The following AOAH variants were observed in gnomAD, a reference collection of about 807,000 sequenced individuals.
AOAH encodes acyloxyacyl hydrolase.
In AOAH, 64 loss-of-function variants were observed where a neutral mutation model predicts 92.2. The observed-to-expected ratio is 0.69, with a 90% CI of 0.57 to 0.86. The LOEUF (loss-of-function observed/expected upper bound fraction) is 0.86. Among genes scored for constraint, AOAH ranks in the 40% least tolerant of loss-of-function variants. AOAH has a pLI of 0.00. For synonymous variants in AOAH, 263 were observed against 254.5 expected (o/e 1.03, Z -0.32); for missense variants, 656 against 694.6 (o/e 0.94, Z 0.62).
chr7:36,621,217 G>C (rs552288514), intron 8 of AOAH, among the ~76,000 whole-genome samples: 69 of 152,318 alleles, frequency 4.5e-4, no homozygotes, highest in African/African-American at 1.6e-3. Context: ...TCACAACAAA[G>C]GCGAGGGCTA....
At chr7:36,686,635 T>G (rs1797024111) in intron 2 of AOAH, 64 bp downstream of exon 2, 1 of 873,590 alleles carries the variant, frequency 1.1e-6, no homozygotes, top group Non-Finnish European at 1.6e-6. Flanking sequence ...GTAAAGGCAG[T>G]CATCATGACT....
At chr7:36,608,876 A>G (rs1049862998) in intron 11 of AOAH, among the ~76,000 whole-genome samples, 3 of 139,298 alleles carry the variant, frequency 2.2e-5, no homozygotes, top group Non-Finnish European at 4.6e-5. Flanking sequence ...TATGCTCACC[A>G]TAACTATTAA....
chr7:36,546,821 C>G (rs1038204005), intron 15 of AOAH, among the ~76,000 whole-genome samples: 1 of 152,178 alleles, frequency 6.6e-6, no homozygotes, highest in Non-Finnish European at 1.5e-5. Context: ...CATGGTGTTT[C>G]CTCTTCCATT....
At chr7:36,629,458 T>C (rs1792914966) in intron 6 of AOAH, among the ~76,000 whole-genome samples, 2 of 152,048 alleles carry the variant, frequency 1.3e-5, no homozygotes, top group African/African-American at 2.4e-5. Context: ...CATGATGACA[T>C]GATTGGGGGC....
chr7:36,562,820 C>T (rs2116491656), intron 13 of AOAH, among the ~76,000 whole-genome samples: 1 of 152,186 alleles, frequency 6.6e-6, no homozygotes, highest in South Asian at 2.1e-4. Context: ...TAAAAATTCA[C>T]TCATGGTAAC....
intron 20 of AOAH, chr7:36,514,565 A>G: frequency 6.5e-7 from 1 of 1,535,786 alleles, no homozygotes; most frequent in South Asian, 1.2e-5. Flanking sequence ...TGTCATTAAT[A>G]TGCCTTTGAG....
intron 3 of AOAH, among the ~76,000 whole-genome samples, chr7:36,659,784 G>T (rs1482464519): frequency 6.9e-6 from 1 of 143,924 alleles, no homozygotes; most frequent in Admixed American, 7.0e-5. Flanking sequence ...CCTGCGAGAG[G>T]TCAGAGTTTT....
At chr7:36,533,620 A>G (rs1204381371) in intron 16 of AOAH, among the ~76,000 whole-genome samples, 1 of 151,336 alleles carries the variant, frequency 6.6e-6, no homozygotes, top group Non-Finnish European at 1.5e-5. Flanking sequence ...CTGAGCTTCC[A>G]TTTTCCCCCA....
intron 4 of AOAH, among the ~76,000 whole-genome samples, chr7:36,658,344 G>T (rs1173685674): frequency 6.6e-6 from 1 of 152,132 alleles, no homozygotes; most frequent in Non-Finnish European, 1.5e-5. Context: ...GAAACCTATT[G>T]TGTTATATCC....
chr7:36,522,298 T>A (rs767865123), intron 19 of AOAH, among the ~76,000 whole-genome samples, 183 bp from the exon 20 acceptor site: 12 of 152,232 alleles, frequency 7.9e-5, no homozygotes, highest in Non-Finnish European at 1.2e-4. Context: ...CCGCTGTGTG[T>A]GTGCTTTTTC....
At chr7:36,585,254 G>A (rs1046198401) in intron 12 of AOAH, among the ~76,000 whole-genome samples, 1 of 152,066 alleles carries the variant, frequency 6.6e-6, no homozygotes, top group South Asian at 2.1e-4. Context: ...GACAACGGGC[G>A]ATGCCTGTGA....
chr7:36,532,049 C>A, intron 18 of AOAH, 98 bp downstream of exon 18: 1 of 1,422,064 alleles, frequency 7.0e-7, no homozygotes, highest in South Asian at 1.2e-5. Flanking sequence ...GCTTGGAGAC[C>A]ATCTGCCTGC....
At chr7:36,552,342 T>C (rs1288332388) in intron 13 of AOAH, among the ~76,000 whole-genome samples, 1 of 152,216 alleles carries the variant, frequency 6.6e-6, no homozygotes, top group Non-Finnish European at 1.5e-5. Flanking sequence ...TCTCATTCCT[T>C]TTTATGGTTG....
chr7:36,526,380 A>C (rs1232658008), intron 19 of AOAH, among the ~76,000 whole-genome samples: 1 of 152,232 alleles, frequency 6.6e-6, no homozygotes, highest in African/African-American at 2.4e-5. Flanking sequence ...GTGTTTATTT[A>C]GGATTTTATC....
chr7:36,570,902 C>T (rs1160209888), intron 13 of AOAH, among the ~76,000 whole-genome samples: 1 of 152,180 alleles, frequency 6.6e-6, no homozygotes, highest in Non-Finnish European at 1.5e-5. Flanking sequence ...GTACAAGTCC[C>T]TGCTATGCGA....
At chr7:36,719,968 G>A (rs1200256479) in intron 1 of AOAH, among the ~76,000 whole-genome samples, 1 of 151,446 alleles carries the variant, frequency 6.6e-6, no homozygotes, top group East Asian at 1.9e-4. Context: ...AATCATTCTT[G>A]CTCAGATGGG....
intron 1 of AOAH, among the ~76,000 whole-genome samples, chr7:36,717,665 C>T (rs1454665152): frequency 2.7e-5 from 4 of 150,900 alleles, no homozygotes; most frequent in African/African-American, 4.9e-5. Context: ...CTGTTTTCTC[C>T]TTTTGATTCT....
At chr7:36,634,882 T>C (rs1793415170) in intron 5 of AOAH, among the ~76,000 whole-genome samples, 1 of 152,226 alleles carries the variant, frequency 6.6e-6, no homozygotes, top group Non-Finnish European at 1.5e-5. Flanking sequence ...TGCACAGCTG[T>C]TTGCTGTCAA....
In AOAH at chr7:36,518,657, G is replaced by A. The variant is rs560883864; in HGVS notation, c.1599+3382C>T. 2.3e-4 allele frequency among the ~76,000 whole-genome samples: 35 copies of A among 152,338 alleles called. No homozygotes were observed. In the South Asian group the frequency reaches 7.2e-3, roughly 32 times the overall value. ...ATTAAGTGGGATCTTCTGGTTAATA[G>A]AGGTTCTTTTCCAGGTATTTTCCTT... On this transcript the variant is annotated intron_variant, in intron 20 of 20. Transcript: ENST00000617537.
Sources: gnomAD v4.1 joint callset for allele counts (sites outside exome capture counted in the v4.1 genomes callset) on GRCh38, gnomAD v4.1.1 for gene constraint, MANE v1.5 for transcripts, NCBI Gene and HGNC (gene_info 2026-07-23, HGNC 2026-07-21) for gene names.